CKAP4: variants seen among roughly 807,000 people sequenced by gnomAD.
CKAP4 encodes cytoskeleton associated protein 4, also known as cytoskeleton-associated protein 4.
A neutral mutation model predicts 24.4 loss-of-function variants in CKAP4; 20 were observed. That is an observed-to-expected ratio of 0.82 (90% CI 0.58 to 1.19). The LOEUF is 1.19. Among genes scored for constraint, CKAP4 ranks in the 50% most tolerant of loss-of-function variants. The pLI is 0.00. For missense variants in CKAP4, 744 were observed against 765.3 expected (o/e 0.97, Z 0.33); for synonymous variants, 378 against 351.7 (o/e 1.07, Z -0.84).
At position 106,239,322 on chromosome 12, in the gene CKAP4, T is replaced by C. The variant is rs1031556636; in HGVS notation, c.1511A>G (p.Gln504Arg). Reference protein sequence around the residue: ...GELPSTVESLQKVQEQVHTLL... With the variant: ...GELPSTVESLRKVQEQVHTLL... ...CGTGTGCACCTGCTCCTGCACCTTC[T>C]GGAGTGATTCCACGGTGCTGGGGAG... Residue 504 changes from glutamine (Q) to arginine (R), a missense_variant, in exon 2 of 2, where the codon CAG (glutamine) becomes CGG (arginine). This residue lies in a region of CKAP4 where 401 missense variants were observed against 424.5 expected (regional missense o/e 0.94). Transcript: ENST00000378026. The surrounding 1 kb of genome is among the most constrained non-coding windows in gnomAD (Gnocchi z 4.9). 3.1e-6 allele frequency: 5 copies of C among 1,609,538 alleles called. No homozygotes were observed. In the Admixed American group the frequency reaches 5.0e-5, roughly 16 times the overall value.
chr12:106,242,049 C>T (rs1009428624), intron 1 of CKAP4, among the ~76,000 whole-genome samples: 4 of 152,190 alleles, frequency 2.6e-5, no homozygotes, highest in Admixed American at 1.3e-4. Context: ...TAAAACAGCA[C>T]GGTCTCTGGA....
intron 1 of CKAP4, among the ~76,000 whole-genome samples, chr12:106,242,447 G>C (rs1209760129): frequency 6.6e-6 from 1 of 152,208 alleles, no homozygotes; most frequent in Non-Finnish European, 1.5e-5. Context: ...CTGTAAGCAT[G>C]AAGAGTCACA....
rs1393692408 is a variant in CKAP4, at chr12:106,247,671, T to G, written c.181A>C (p.Asn61His). 1.7e-5 allele frequency: 19 copies of G among 1,104,960 alleles called. No individual in the cohort carries two copies. The highest frequency in any genetic ancestry group is 7.7e-4 in the Middle Eastern group (2 of 2,590). 68.4% of individuals were successfully genotyped at this position (1,104,960 alleles called of 1,614,324 possible). A position where few individuals can be genotyped will look rare whatever the true frequency, so the allele number is the denominator to read the frequency against. Residue 61 changes from asparagine (N) to histidine (H), a missense_variant, in exon 1 of 2, where the codon AAC becomes CAC. Transcript: ENST00000378026. The surrounding 1 kb of genome is among the most constrained non-coding windows in gnomAD (Gnocchi z 4.5). Reference protein sequence around the residue: ...PQQHPQQHPQNQAHGKGGHRG... With the variant: ...PQQHPQQHPQHQAHGKGGHRG... ...TGGCCGCCCTTGCCGTGCGCCTGGT[T>G]CTGCGGGTGCTGCTGCGGGTGCTGC...
rs1205285411 is a variant in CKAP4, at chr12:106,239,799, T to G, written c.1034A>C (p.Glu345Ala). 2 of 1,613,926 alleles carry G rather than the reference T, an allele frequency of 1.2e-6. No individual in the cohort carries two copies. The highest frequency in any genetic ancestry group is 2.7e-5 in the African/African-American group (2 of 74,902). ...QQAFKEAADT[E>A]RLALQALTEK... Reference sequence around the variant, plus strand: ...CGTGAGGGCCTGCAGGGCGAGCCGCTCCGTGTCGGCCGCCTCCTTGAAAGC... The same window carrying G: ...CGTGAGGGCCTGCAGGGCGAGCCGCGCCGTGTCGGCCGCCTCCTTGAAAGC... Residue 345 changes from glutamate (E) to alanine (A), a missense_variant, in exon 2 of 2, where the codon GAG becomes GCG. By Grantham distance (107) the Glu-to-Ala change is moderately radical. Transcript: ENST00000378026. This position sits in a 1 kb window ranked among gnomAD's most constrained non-coding sequence, Gnocchi z 4.9.
rs200676008 is a variant in CKAP4 at position 106,239,003 on chromosome 12, C to T, written c.*21G>A. The T allele has an allele frequency of 4.1e-4, 654 of 1,602,674 alleles. 2 individuals carry two copies. Among genetic ancestry groups the T allele is most frequent in the Non-Finnish European group, 2.9e-4 (339 of 1,171,350 alleles). ...CATGAGAAATTGGACTTTAAATCCG[C>T]GCCCTGCACACGCAATTCATTTAGA... On this transcript the variant is annotated 3_prime_UTR_variant, in exon 2 of 2. Coordinates refer to ENST00000378026, the MANE Select transcript of CKAP4 (RefSeq NM_006825.4). This position sits in a 1 kb window ranked among gnomAD's most constrained non-coding sequence, Gnocchi z 4.9.
At position 106,237,992 on chromosome 12, in the gene CKAP4, G is replaced by GTTTTTTTT; in HGVS notation, c.*1024_*1031dup. 77 of 70,460 alleles carry GTTTTTTTT rather than the reference G, an allele frequency of 1.1e-3. No homozygotes were observed. The highest frequency in any genetic ancestry group is 4.4e-3 in the African/African-American group (71 of 16,208). The allele number at this position is 70,460 out of a possible 1,614,324, so 4.4% of individuals were successfully genotyped here. ...TTTTTTTTTTTTTTTTACTTTTCGG[G>GTTTTTTTT]TTTTTTTTTTTTTTTTTTTTTCAAT... is the stretch of plus-strand genomic sequence containing the variant. On this transcript the variant is annotated 3_prime_UTR_variant, in exon 2 of 2. Coordinates refer to ENST00000378026, the MANE Select transcript of CKAP4 (RefSeq NM_006825.4).
rs996704144 is a variant in CKAP4, at chr12:106,247,521, G to C, written c.331C>G (p.Leu111Val). 6.5e-7 allele frequency: 1 copy of C among 1,533,692 alleles called. No individual in the cohort carries two copies. The highest frequency in any genetic ancestry group is 1.4e-5 in the African/African-American group (1 of 71,294). The change falls in exon 1 of 2, where the codon CTC (leucine) becomes GTC (valine). Residue 111 changes from leucine (L) to valine (V), a missense_variant. By Grantham distance (32) the Leu-to-Val change is conservative. Around this residue, in one of 3 missense-constraint regions of CKAP4, gnomAD observed 300 missense variants for 264.5 expected, o/e 1.13. Transcript: ENST00000378026. The surrounding 1 kb of genome is among the most constrained non-coding windows in gnomAD (Gnocchi z 4.5). ...GCCGCCACCAGGGCGAGGTAGAAGA[G>C]AAAGTTGAGCGCCCTGCCGAGCCTG... ...SRRLGRALNF[L>V]FYLALVAAAA...
At position 106,247,775 on chromosome 12, in the gene CKAP4, G is replaced by A. The variant is rs930899528; in HGVS notation, c.77C>T (p.Ser26Leu). ...CTTCGCCACGTCATCCGCGCCGCCC[G>A]ACGGGTGGGCACCCTTCTCCGAGGG... ...ASPSEKGAHP[S>L]GGADDVAKKP... Residue 26 changes from serine to leucine, a missense_variant, in exon 1 of 2, where the codon TCG becomes TTG. By Grantham distance (145) the Ser-to-Leu change is moderately radical. Coordinates refer to ENST00000378026, the MANE Select transcript of CKAP4 (RefSeq NM_006825.4). This position sits in a 1 kb window ranked among gnomAD's most constrained non-coding sequence, Gnocchi z 4.5. The A allele has an allele frequency of 4.7e-6, 5 of 1,055,364 alleles. No homozygotes were observed. The African/African-American group carries it at 5.2e-5, about 11-fold the overall frequency. The allele number at this position is 1,055,364 out of a possible 1,614,324, so 65.4% of individuals were successfully genotyped here. A position where few individuals can be genotyped will look rare whatever the true frequency, so the allele number is the denominator to read the frequency against.
At position 106,247,727 on chromosome 12, in the gene CKAP4, TGCTGCGGCGCCGGCGGCG is replaced by T. The variant is rs1201035263; in HGVS notation, c.107_124del (p.Pro36_Gln41del). 34 of 1,036,532 alleles carry T rather than the reference TGCTGCGGCGCCGGCGGCG, an allele frequency of 3.3e-5. No homozygotes were observed. In the East Asian group the frequency reaches 3.0e-3, roughly 91 times the overall value. 64.2% of individuals were successfully genotyped at this position (1,036,532 alleles called of 1,614,324 possible). A position where few individuals can be genotyped will look rare whatever the true frequency, so the allele number is the denominator to read the frequency against. ...GTGCGGCGCGGGCGGCGGCGGCGGCTGCTGCGGCGCCGGCGGCGGCTTCTTCGCCACGTCATCCGCGCC... is the reference window on the plus strand; with the variant it reads ...GTGCGGCGCGGGCGGCGGCGGCGGCTGCTTCTTCGCCACGTCATCCGCGCC... On this transcript the variant is annotated inframe_deletion, in exon 1 of 2. Transcript: ENST00000378026. The surrounding 1 kb of genome is among the most constrained non-coding windows in gnomAD (Gnocchi z 4.5).
At chr12:106,245,639 G>C (rs1487269831) in intron 1 of CKAP4, 2 of 119,466 alleles carry the variant, frequency 1.7e-5, no homozygotes, top group East Asian at 5.8e-4. Flanking sequence ...CTGTTGCCCC[G>C]GCTGGGGTGC....
At chr12:106,245,791 C>T (rs1176517009) in intron 1 of CKAP4, 1 of 152,270 alleles carries the variant, frequency 6.6e-6, no homozygotes, top group Non-Finnish European at 1.5e-5. Flanking sequence ...CACAGGGTTT[C>T]ACCATGTTGG....
chr12:106,244,011 G>C (rs1485085484), intron 1 of CKAP4, among the ~76,000 whole-genome samples: 1 of 152,158 alleles, frequency 6.6e-6, no homozygotes, highest in Non-Finnish European at 1.5e-5. Context: ...CCCCCAACAA[G>C]TAACCAAGAG....
At position 106,247,782 on chromosome 12, in the gene CKAP4, G is replaced by A; in HGVS notation, c.70C>T (p.His24Tyr). The A allele has an allele frequency of 2.8e-6, 3 of 1,057,816 alleles. No homozygotes were observed. Among genetic ancestry groups the A allele is most frequent in the Non-Finnish European group, 3.4e-6 (3 of 881,618 alleles). The allele number at this position is 1,057,816 out of a possible 1,614,324, so 65.5% of individuals were successfully genotyped here. A position where few individuals can be genotyped will look rare whatever the true frequency, so the allele number is the denominator to read the frequency against. The change falls in exon 1 of 2, where the codon CAC becomes TAC. Residue 24 changes from histidine to tyrosine, a missense_variant. His to Tyr is a moderately conservative substitution (Grantham distance 83). Transcript: ENST00000378026. The surrounding 1 kb of genome is among the most constrained non-coding windows in gnomAD (Gnocchi z 4.5). ...ACGTCATCCGCGCCGCCCGACGGGT[G>A]GGCACCCTTCTCCGAGGGGCTCGCG... ...GAASPSEKGAHPSGGADDVAK... is the reference protein window; with the variant it reads ...GAASPSEKGAYPSGGADDVAK...
At chr12:106,246,314 T>C (rs1240649802) in intron 1 of CKAP4, among the ~76,000 whole-genome samples, 1 of 152,190 alleles carries the variant, frequency 6.6e-6, no homozygotes, top group Non-Finnish European at 1.5e-5. Context: ...ATCAAAACTG[T>C]TAGTCCTCCC....
intron 1 of CKAP4, chr12:106,246,909 C>A (rs144313161): frequency 1.7e-3 from 260 of 157,324 alleles, no homozygotes; most frequent in African/African-American, 5.9e-3. Context: ...GGATGTCTCC[C>A]ACAGGCAGAG....
Position 106,247,691 on chromosome 12 carries a change from T to C in CKAP4, c.161A>G (p.His54Arg). Residue 54 changes from histidine to arginine, a missense_variant, in exon 1 of 2, where the codon CAC (histidine) becomes CGC (arginine). His to Arg is a conservative substitution (Grantham distance 29, BLOSUM62 0). Coordinates refer to ENST00000378026, the MANE Select transcript of CKAP4 (RefSeq NM_006825.4). The surrounding 1 kb of genome is among the most constrained non-coding windows in gnomAD (Gnocchi z 4.5). ...CTGGTTCTGCGGGTGCTGCTGCGGG[T>C]GCTGCTGCGGGTGCGGCGCGGGCGG... ...PPPPAPHPQQHPQQHPQNQAH... is the reference protein window; with the variant it reads ...PPPPAPHPQQRPQQHPQNQAH... 9.5e-7 allele frequency: 1 copy of C among 1,057,878 alleles called. No homozygotes were observed. Among genetic ancestry groups the C allele is most frequent in the Non-Finnish European group, 1.1e-6 (1 of 881,906 alleles). The allele number at this position is 1,057,878 out of a possible 1,614,324, so 65.5% of individuals were successfully genotyped here. A position where few individuals can be genotyped will look rare whatever the true frequency, so the allele number is the denominator to read the frequency against.
intron 1 of CKAP4, among the ~76,000 whole-genome samples, chr12:106,243,257 G>C (rs1181909931): frequency 1.3e-5 from 2 of 152,182 alleles, no homozygotes; most frequent in African/African-American, 4.8e-5. Context: ...ATCTCCCAGT[G>C]ATCTCCATTT....
At position 106,239,384 on chromosome 12, in the gene CKAP4, G is replaced by A. The variant is rs145284636; in HGVS notation, c.1449C>T (p.Tyr483=). 2.1e-3 allele frequency: 3,439 copies of A among 1,601,422 alleles called. 8 individuals are homozygous for A. Among genetic ancestry groups the A allele is most frequent in the Non-Finnish European group, 2.7e-3 (3,226 of 1,178,138 alleles). ...TCCTCTTCAGCTCCTCCACGTCACC[G>A]TAGAGCACCAGCTGGGTCTCGCCCA... is the stretch of plus-strand genomic sequence containing the variant. ...RSLGETQLVL[Y]GDVEELKRSV... Residue 483 remains tyrosine (Y), a synonymous_variant, in exon 2 of 2, where the codon TAC becomes TAT. Coordinates refer to ENST00000378026, the MANE Select transcript of CKAP4 (RefSeq NM_006825.4). This position sits in a 1 kb window ranked among gnomAD's most constrained non-coding sequence, Gnocchi z 4.9.
chr12:106,239,287 G>C lies in CKAP4; in HGVS notation c.1546C>G (p.Gln516Glu), dbSNP rs1284427519. ...VQEQVHTLLS[Q>E]DQAQAARLPP... ...AGACGGGCGGCCTGGGCTTGGTCCTGACTGAGCAGCGTGTGCACCTGCTCC... is the reference window on the plus strand; with the variant it reads ...AGACGGGCGGCCTGGGCTTGGTCCTCACTGAGCAGCGTGTGCACCTGCTCC... Residue 516 changes from glutamine to glutamate, a missense_variant, in exon 2 of 2, where the codon CAG becomes GAG. By Grantham distance (29) the Gln-to-Glu change is conservative. Transcript: ENST00000378026. This position sits in a 1 kb window ranked among gnomAD's most constrained non-coding sequence, Gnocchi z 4.9. 4 of 1,612,268 alleles carry C rather than the reference G, an allele frequency of 2.5e-6. No homozygotes were observed. Among genetic ancestry groups the C allele is most frequent in the Non-Finnish European group, 3.4e-6 (4 of 1,180,030 alleles).
Sources: gnomAD v4.1 joint callset for allele counts (sites outside exome capture counted in the v4.1 genomes callset) on GRCh38, gnomAD v4.1.1 for gene constraint, gnomAD v4.1.1 regional missense constraint, Gnocchi (gnomAD v3.1) non-coding constraint, MANE v1.5 for transcripts, NCBI Gene and HGNC (gene_info 2026-07-23, HGNC 2026-07-21) for gene names.